The following ZNF398 variants were observed in gnomAD, a reference collection of about 807,000 sequenced individuals.
The protein encoded by ZNF398 is zinc finger protein 398.
ZNF398 carries 18 observed loss-of-function variants against 41.9 expected under a neutral mutation model. That is an observed-to-expected ratio of 0.43 (90% CI 0.30 to 0.64). The LOEUF (loss-of-function observed/expected upper bound fraction) is 0.64, where lower values mean the gene tolerates loss of function less well. Among genes scored for constraint, ZNF398 ranks in the 30% least tolerant of loss-of-function variants. ZNF398 has a pLI of 0.14. For synonymous variants in ZNF398, 260 were observed against 308.8 expected (o/e 0.84, Z 1.66); for missense variants, 669 against 822.8 (o/e 0.81, Z 2.29).
intron 2 of ZNF398, among the ~76,000 whole-genome samples, chr7:149,159,541 G>A (rs1199532467): frequency 1.3e-5 from 2 of 151,470 alleles, no homozygotes; most frequent in Non-Finnish European, 2.9e-5. Context: ...CCAGCTACCC[G>A]GGAGGCTGAG....
upstream of ZNF398, chr7:149,147,206 G>C (rs936771952): frequency 1.3e-5 from 2 of 152,228 alleles, no homozygotes; most frequent in African/African-American, 4.8e-5. This position sits in a 1 kb window ranked among gnomAD's most constrained non-coding sequence, Gnocchi z 5.6. Context: ...TCACTCCCCA[G>C]AATGAGCCCG....
At chr7:149,128,798 T>TATATATATATATATATATATATATATA (rs1826538835) in intron 1 of ZNF398, 1 of 63,530 alleles carries the variant, frequency 1.6e-5, no homozygotes, top group Admixed American at 1.7e-4. Flanking sequence ...ATATATATAT[T>TATATATATATATATATATATATATATA]GTTTGTTTGT....
At chr7:149,169,572 C>T (rs1795288907) in intron 4 of ZNF398, among the ~76,000 whole-genome samples, 1 of 152,128 alleles carries the variant, frequency 6.6e-6, no homozygotes, top group Non-Finnish European at 1.5e-5. Flanking sequence ...CCATCGCAGC[C>T]TCCCAAGTAG....
At chr7:149,142,493 C>T (rs982037455), upstream of ZNF398, among the ~76,000 whole-genome samples, 10 of 152,222 alleles carry the variant, frequency 6.6e-5, no homozygotes, top group Non-Finnish European at 1.5e-4. Flanking sequence ...CGGTGAAACC[C>T]CGTCTCTACT....
upstream of ZNF398, chr7:149,147,307 C>T (rs1585511534): frequency 2.6e-5 from 4 of 152,508 alleles, no homozygotes; most frequent in Admixed American, 2.6e-4. This position sits in a 1 kb window ranked among gnomAD's most constrained non-coding sequence, Gnocchi z 5.6. Flanking sequence ...AATAACAACC[C>T]TCCCCACACC....
rs57811277 is a variant in ZNF398, at chr7:149,177,273, C to T, written c.775+692C>T. Among the ~76,000 whole-genome samples the T allele has an allele frequency of 8.0e-3, 1,214 of 151,956 alleles. 9 individuals carry two copies. Among genetic ancestry groups the T allele is most frequent in the African/African-American group, 0.013 (539 of 41,430 alleles). The stretch of plus-strand genomic sequence containing the variant: ...AAGTGTCAAGGATGAGTGGGGTGGA[C>T]GACTTATATAAATGAATGAGAAGTT... On this transcript the variant is annotated intron_variant, in intron 5 of 5. Transcript: ENST00000475153.
chr7:149,143,170 G>A (rs142159673), upstream of ZNF398, among the ~76,000 whole-genome samples: 129 of 144,950 alleles, frequency 8.9e-4, no homozygotes, highest in Non-Finnish European at 1.5e-3. Flanking sequence ...AATTACTGGC[G>A]GCAAGCAGGA....
Position 149,179,705 on chromosome 7 carries a change from C to G in ZNF398, c.1833C>G (p.Leu611=). ...AGCCACCCAACCCACCAGGTCCCCT[C>G]ATAACTGGGCTTGAAACTTCTGGCC... ...SGQPPNPPGP[L]ITGLETSGLG... Residue 611 remains leucine, a synonymous_variant, in exon 6 of 6, where the codon CTC becomes CTG. Coordinates refer to ENST00000475153, the MANE Select transcript of ZNF398 (RefSeq NM_170686.3). The surrounding 1 kb of genome is among the most constrained non-coding windows in gnomAD (Gnocchi z 6.1). The G allele has an allele frequency of 6.2e-7, 1 of 1,614,194 alleles. No homozygotes were observed. Among genetic ancestry groups the G allele is most frequent in the Non-Finnish European group, 8.5e-7 (1 of 1,180,024 alleles).
intron 2 of ZNF398, among the ~76,000 whole-genome samples, chr7:149,160,097 A>G (rs1473527211): frequency 2.0e-5 from 3 of 152,152 alleles, no homozygotes; most frequent in African/African-American, 7.2e-5. Context: ...TAGCATATCT[A>G]TCACCTGAAG....
chr7:149,168,506 A>G (rs143534550), intron 4 of ZNF398, among the ~76,000 whole-genome samples: 1,749 of 152,238 alleles, frequency 0.011, 30 homozygotes, highest in African/African-American at 0.04. Flanking sequence ...TAAATTTTAC[A>G]TATAATGAAA....
chr7:149,126,877 C>G (rs1364574053), intron 1 of ZNF398, among the ~76,000 whole-genome samples: 1 of 152,206 alleles, frequency 6.6e-6, no homozygotes, highest in African/African-American at 2.4e-5. Context: ...CACGTCCGGT[C>G]CCCGTGGGTG....
At chr7:149,127,548 CAAA>C (rs61080328) in intron 1 of ZNF398, among the ~76,000 whole-genome samples, 9 of 74,886 alleles carry the variant, frequency 1.2e-4, no homozygotes, top group African/African-American at 2.6e-4. Flanking sequence ...ACTAAAAATA[CAAA>C]AAAAAAAAAA....
At chr7:149,126,542 G>T (rs1826481890) in exon 1 of ZNF398, 2 of 465,182 alleles carry the variant, frequency 4.3e-6, no homozygotes, top group Non-Finnish European at 7.6e-6. Context: ...GGGAGCTGAC[G>T]GGAGGGGAAA....
chr7:149,181,502 C>G lies in ZNF398; in HGVS notation c.*1701C>G, dbSNP rs987664795. 2.0e-5 allele frequency: 3 copies of G among 152,136 alleles called. No homozygotes were observed. Among genetic ancestry groups the G allele is most frequent in the African/African-American group, 7.2e-5 (3 of 41,434 alleles). 9.4% of individuals were successfully genotyped at this position (152,136 alleles called of 1,614,324 possible). On this transcript the variant is annotated 3_prime_UTR_variant, in exon 6 of 6. Coordinates refer to ENST00000475153, the MANE Select transcript of ZNF398 (RefSeq NM_170686.3). ...TTGATGAAGTGATAAGGAAAGGACC[C>G]ATTTTTTTGCTCATCACCTAGCCCA...
In ZNF398 at chr7:149,160,758, C is replaced by T. The variant is rs548532903; in HGVS notation, c.421-5400C>T. 6.6e-5 allele frequency among the ~76,000 whole-genome samples: 10 copies of T among 152,322 alleles called. No individual in the cohort carries two copies. In the South Asian group the frequency reaches 2.1e-3, roughly 32 times the overall value. On this transcript the variant is annotated intron_variant, in intron 2 of 5. Coordinates refer to ENST00000475153, the MANE Select transcript of ZNF398 (RefSeq NM_170686.3). ...TAACTCTGAGTAACTCTGAGTCCTC[C>T]ACCCTCCAGAAGCTCACAGCTTTAG...
chr7:149,154,475 A>G (rs1794928563), intron 2 of ZNF398, 135 bp downstream of exon 2: 2 of 1,100,180 alleles, frequency 1.8e-6, no homozygotes, highest in South Asian at 3.7e-5. Context: ...AGAATCATGA[A>G]GGTGTTTTAT....
intron 2 of ZNF398, among the ~76,000 whole-genome samples, chr7:149,155,704 TATA>T (rs1267401765): frequency 0.2 from 9,865 of 48,778 alleles, 379 homozygotes; most frequent in East Asian, 0.27. Flanking sequence ...TATATATATA[TATA>T]TTTTTTTTTT....
intron 2 of ZNF398, among the ~76,000 whole-genome samples, chr7:149,156,861 C>CA (rs11400806): frequency 0.74 from 104,673 of 141,140 alleles, 39,269 homozygotes; most frequent in East Asian, 0.89. Context: ...AACTCCATTT[C>CA]AAAAAAAAAA....
chr7:149,172,536 G>A (rs1351247849), intron 4 of ZNF398, among the ~76,000 whole-genome samples: 1 of 152,128 alleles, frequency 6.6e-6, no homozygotes, highest in Non-Finnish European at 1.5e-5. Flanking sequence ...GCCGTCAAGT[G>A]CTTCCTTTAT....
Sources: allele counts gnomAD v4.1 joint callset (sites outside exome capture counted in the v4.1 genomes callset), GRCh38; gene constraint gnomAD v4.1.1; non-coding constraint Gnocchi (gnomAD v3.1); transcripts MANE v1.5; gene names NCBI Gene and HGNC (gene_info 2026-07-23, HGNC 2026-07-21).